CRACD: variants seen among roughly 807,000 people sequenced by gnomAD.
The protein encoded by CRACD is capping protein inhibiting regulator of actin dynamics.
CRACD carries 56 observed loss-of-function variants against 106.8 expected under a neutral mutation model. The observed-to-expected ratio is 0.52, with a 90% CI of 0.42 to 0.66. The LOEUF is 0.66. Ranked by LOEUF, CRACD falls within the 30% of genes least tolerant of loss-of-function variation. CRACD has a pLI of 0.00. For synonymous variants in CRACD, 754 were observed against 670.8 expected (o/e 1.12, Z -1.92); for missense variants, 1,730 against 1,623.2 (o/e 1.07, Z -1.13).
At position 56,327,997 on chromosome 4, in the gene CRACD, G is replaced by A. The variant is rs140551201; in HGVS notation, c.*193G>A. 1.7e-4 allele frequency: 90 copies of A among 517,272 alleles called. No homozygotes were observed. The highest frequency in any genetic ancestry group is 1.1e-3 in the African/African-American group (58 of 52,232). 32.0% of individuals were successfully genotyped at this position (517,272 alleles called of 1,614,324 possible). A position where few individuals can be genotyped will look rare whatever the true frequency, so the allele number is the denominator to read the frequency against. On this transcript the variant is annotated 3_prime_UTR_variant, in exon 11 of 11. Transcript: ENST00000682029. Reference sequence around the variant, plus strand: ...GTGGATTTGCACAACCCTAGGTCCTGGTGCCTCGAGCTCCTCCTAGTTCTC... The same window carrying A: ...GTGGATTTGCACAACCCTAGGTCCTAGTGCCTCGAGCTCCTCCTAGTTCTC...
Position 56,315,317 on chromosome 4 carries a change from C to T in CRACD, c.1815C>T (p.Gly605=). ...TGGTCACGGGCGCGCAGCTCTGTGGCCCGGCAGTCAACCTGAGCCAGATCA... is the reference window on the plus strand; with the variant it reads ...TGGTCACGGGCGCGCAGCTCTGTGGTCCGGCAGTCAACCTGAGCCAGATCA... ...AILVTGAQLC[G]PAVNLSQIKD... is the part of the protein sequence containing the mutation. Residue 605 remains glycine, a synonymous_variant, in exon 8 of 11, where the codon GGC becomes GGT. Transcript: ENST00000682029. The surrounding 1 kb of genome is among the most constrained non-coding windows in gnomAD (Gnocchi z 4.1). 6.2e-7 allele frequency: 1 copy of T among 1,613,882 alleles called. No homozygotes were observed. The highest frequency in any genetic ancestry group is 1.1e-5 in the South Asian group (1 of 91,042).
intron 3 of CRACD, among the ~76,000 whole-genome samples, chr4:56,275,484 T>G (rs1039992020): frequency 1.4e-4 from 22 of 152,226 alleles, no homozygotes; most frequent in Non-Finnish European, 2.1e-4. Context: ...AAAATAGAAG[T>G]AATTAAAAAA....
intron 1 of CRACD, among the ~76,000 whole-genome samples, chr4:56,108,561 G>C (rs1170754961): frequency 1.3e-5 from 2 of 152,100 alleles, no homozygotes; most frequent in African/African-American, 4.8e-5. Flanking sequence ...GAAAACAACT[G>C]GGCCCAAGGG....
chr4:56,108,442 G>A (rs945706400), intron 1 of CRACD, among the ~76,000 whole-genome samples: 8 of 152,156 alleles, frequency 5.3e-5, no homozygotes, highest in African/African-American at 1.9e-4. Context: ...CCAAAGTTTC[G>A]AGGTCCCTGT....
At chr4:56,072,053 G>A (rs1264012403) in intron 1 of CRACD, among the ~76,000 whole-genome samples, 2 of 151,144 alleles carry the variant, frequency 1.3e-5, no homozygotes, top group African/African-American at 2.4e-5. Flanking sequence ...GCGTGAACCC[G>A]GGAGGCGGAG....
intron 1 of CRACD, among the ~76,000 whole-genome samples, chr4:56,161,208 A>C (rs1366692484): frequency 6.6e-6 from 1 of 152,198 alleles, no homozygotes; most frequent in Non-Finnish European, 1.5e-5. Context: ...CACTTAATGA[A>C]AGTGATTCTA....
intron 2 of CRACD, among the ~76,000 whole-genome samples, chr4:56,241,701 A>G (rs762233830): frequency 6.6e-6 from 1 of 152,188 alleles, no homozygotes; most frequent in Non-Finnish European, 1.5e-5. Context: ...TAAGGGTAAC[A>G]TTGGGTGCCG....
chr4:56,315,997 A>G lies in CRACD; in HGVS notation c.2495A>G (p.Asp832Gly). ...ACTGCAAACGGGATAGCAAAGCCAGACCCTGTGATGCCAGGTGGAGAGGAA... is the reference window on the plus strand; with the variant it reads ...ACTGCAAACGGGATAGCAAAGCCAGGCCCTGTGATGCCAGGTGGAGAGGAA... ...SETANGIAKP[D>G]PVMPGGEEKA... The change falls in exon 8 of 11, where the codon GAC becomes GGC. Residue 832 changes from aspartate to glycine, a missense_variant. By Grantham distance (94) the Asp-to-Gly change is moderately conservative. This residue lies in a region of CRACD where 1,620 missense variants were observed against 1,481.6 expected (regional missense o/e 1.09). Transcript: ENST00000682029. This position sits in a 1 kb window ranked among gnomAD's most constrained non-coding sequence, Gnocchi z 4.1. The G allele has an allele frequency of 6.2e-7, 1 of 1,614,234 alleles. No individual in the cohort carries two copies. The highest frequency in any genetic ancestry group is 8.5e-7 in the Non-Finnish European group (1 of 1,180,040).
Position 56,127,483 on chromosome 4 carries a change from A to G in CRACD, c.-335-51801A>G, listed in dbSNP as rs188920893. Among the ~76,000 whole-genome samples, 3 of 152,298 alleles carry G rather than the reference A, an allele frequency of 2.0e-5. No homozygotes were observed. In the South Asian group the frequency reaches 6.2e-4, roughly 32 times the overall value. The stretch of plus-strand genomic sequence containing the variant: ...AACTGAGTTTTCCAGTTTAAAAAGG[A>G]TAAATTTTTTTGTTACTGAAATTAT... On this transcript the variant is annotated intron_variant, in intron 1 of 10. Coordinates refer to ENST00000682029, the MANE Select transcript of CRACD (RefSeq NM_001393381.1).
At chr4:56,227,704 C>T (rs1373545502) in intron 2 of CRACD, among the ~76,000 whole-genome samples, 2 of 152,172 alleles carry the variant, frequency 1.3e-5, no homozygotes, top group African/African-American at 4.8e-5. Flanking sequence ...TCCAACAAAA[C>T]TCTATTTACG....
Position 56,328,269 on chromosome 4 carries a change from T to TATC in CRACD, c.*466_*468dup, listed in dbSNP as rs1389316769. On this transcript the variant is annotated 3_prime_UTR_variant, in exon 11 of 11. Coordinates refer to ENST00000682029, the MANE Select transcript of CRACD (RefSeq NM_001393381.1). The stretch of plus-strand genomic sequence containing the variant: ...TTCTACAGTAATGGTGAAAGGATCA[T>TATC]ATCTAGCTAAAAGCAAGAACACCCA... 1 of 516,102 alleles carries TATC rather than the reference T, an allele frequency of 1.9e-6. No individual in the cohort carries two copies. Among genetic ancestry groups the TATC allele is most frequent in the Non-Finnish European group, 3.9e-6 (1 of 258,612 alleles). 32.0% of individuals were successfully genotyped at this position (516,102 alleles called of 1,614,324 possible).
Position 56,316,251 on chromosome 4 carries a change from C to G in CRACD, c.2749C>G (p.Arg917Gly). The G allele has an allele frequency of 1.9e-6, 3 of 1,613,952 alleles. No individual in the cohort carries two copies. Among genetic ancestry groups the G allele is most frequent in the Non-Finnish European group, 2.5e-6 (3 of 1,179,846 alleles). The change falls in exon 8 of 11, where the codon CGG (arginine) becomes GGG (glycine). Residue 917 changes from arginine to glycine, a missense_variant. Around this residue, in one of 5 missense-constraint regions of CRACD, gnomAD observed 1,620 missense variants for 1,481.6 expected, o/e 1.09. Transcript: ENST00000682029. Reference sequence around the variant, plus strand: ...AGAGCGGAAGCAAGCCCCTTCCACCCGGAGGGACTCCGCTGAACCTTCCAG... The same window carrying G: ...AGAGCGGAAGCAAGCCCCTTCCACCGGGAGGGACTCCGCTGAACCTTCCAG... ...PQERKQAPST[R>G]RDSAEPSSSR... is the part of the protein sequence containing the mutation.
chr4:56,160,123 A>G (rs946916901), intron 1 of CRACD, among the ~76,000 whole-genome samples: 5 of 151,486 alleles, frequency 3.3e-5, no homozygotes, highest in Non-Finnish European at 7.4e-5. Flanking sequence ...AACTTAATGC[A>G]TATTTGTCTA....
Position 56,315,553 on chromosome 4 carries a change from G to C in CRACD, c.2051G>C (p.Arg684Pro). The change falls in exon 8 of 11, where the codon CGC (arginine) becomes CCC (proline). Residue 684 changes from arginine to proline, a missense_variant. This residue lies in a region of CRACD where 1,620 missense variants were observed against 1,481.6 expected (regional missense o/e 1.09). Transcript: ENST00000682029. The surrounding 1 kb of genome is among the most constrained non-coding windows in gnomAD (Gnocchi z 4.1). ...RILKNAESDP[R>P]SSERDQLRPG... is the part of the protein sequence containing the mutation. The stretch of plus-strand genomic sequence containing the variant: ...CTGAAGAACGCAGAGAGTGACCCGC[G>C]CAGCAGCGAGAGGGACCAGTTGAGG... 6.2e-7 allele frequency: 1 copy of C among 1,614,112 alleles called. No homozygotes were observed. The highest frequency in any genetic ancestry group is 1.1e-5 in the South Asian group (1 of 91,086).
chr4:56,162,331 A>T (rs898081994), intron 1 of CRACD, among the ~76,000 whole-genome samples: 1 of 152,012 alleles, frequency 6.6e-6, no homozygotes, highest in Non-Finnish European at 1.5e-5. Flanking sequence ...AGTAGCTAGG[A>T]CTATAGATGT....
At chr4:56,202,407 C>G (rs866712889) in intron 2 of CRACD, among the ~76,000 whole-genome samples, 1 of 152,098 alleles carries the variant, frequency 6.6e-6, no homozygotes, top group Non-Finnish European at 1.5e-5. Flanking sequence ...CCATCACACC[C>G]GGCTAATTTT....
intron 2 of CRACD, among the ~76,000 whole-genome samples, chr4:56,241,561 T>C (rs530570161): frequency 6.6e-6 from 1 of 152,316 alleles, no homozygotes; most frequent in Admixed American, 6.5e-5. Context: ...GACTGCTATG[T>C]TCCAGGCATG....
At chr4:56,157,564 G>C (rs987088126) in intron 1 of CRACD, among the ~76,000 whole-genome samples, 3 of 152,160 alleles carry the variant, frequency 2.0e-5, no homozygotes, top group African/African-American at 4.8e-5. Context: ...CCATCGCTGA[G>C]CAAAATGATC....
intron 3 of CRACD, among the ~76,000 whole-genome samples, chr4:56,296,328 C>G (rs571691980): frequency 6.6e-6 from 1 of 151,548 alleles, no homozygotes; most frequent in East Asian, 1.9e-4. Flanking sequence ...AAACTCCACA[C>G]AGTTTTTTTT....
Sources: allele counts gnomAD v4.1 joint callset (sites outside exome capture counted in the v4.1 genomes callset), GRCh38; gene constraint gnomAD v4.1.1; regional missense constraint gnomAD v4.1.1; non-coding constraint Gnocchi (gnomAD v3.1); transcripts MANE v1.5; gene names NCBI Gene and HGNC (gene_info 2026-07-23, HGNC 2026-07-21).